The following SCAI variants were observed in gnomAD, a reference collection of about 807,000 sequenced individuals.
The protein encoded by SCAI is protein SCAI.
Under a neutral mutation model 92.2 loss-of-function variants are expected in SCAI, and 24 were observed. The ratio of observed to expected loss-of-function variants is 0.26; its 90% CI spans 0.19 to 0.37. The LOEUF is 0.37. Among genes scored for constraint, SCAI ranks in the 10% least tolerant of loss-of-function variants. The pLI is 1.00. For synonymous variants in SCAI, 261 were observed against 258.6 expected (o/e 1.01, Z -0.09); for missense variants, 450 against 736.2 (o/e 0.61, Z 4.50).
At chr9:125,039,041 T>C (rs1044194236) in intron 3 of SCAI, among the ~76,000 whole-genome samples, 2 of 152,210 alleles carry the variant, frequency 1.3e-5, no homozygotes, top group Non-Finnish European at 2.9e-5. Flanking sequence ...GTATGTATAC[T>C]GTGACAGTGA....
intron 4 of SCAI, among the ~76,000 whole-genome samples, chr9:125,029,358 G>C (rs754188279): frequency 6.6e-6 from 1 of 152,116 alleles, no homozygotes; most frequent in African/African-American, 2.4e-5. Flanking sequence ...CTGAGCTCAA[G>C]CAATCCTCCC....
intron 2 of SCAI, among the ~76,000 whole-genome samples, chr9:125,107,804 C>G (rs143163065): frequency 0.011 from 1,656 of 152,154 alleles, 15 homozygotes; most frequent in South Asian, 0.038. Flanking sequence ...TAAGCTCCCT[C>G]TCCCCTCTCC....
rs1022624830 is a variant in SCAI at position 124,949,202 on chromosome 9, A to T, written c.*3605T>A. ...GGTGAAACCCCATCTCAAAACACAA[A>T]ATTAGCTGGGTGTGGTGGCACATGC... On this transcript the variant is annotated 3_prime_UTR_variant, in exon 18 of 18. Coordinates refer to ENST00000336505, the MANE Select transcript of SCAI (RefSeq NM_001144877.3). The surrounding 1 kb of genome is among the most constrained non-coding windows in gnomAD (Gnocchi z 4.0). The T allele has an allele frequency of 6.6e-6, 1 of 152,054 alleles. No individual in the cohort carries two copies. Among genetic ancestry groups the T allele is most frequent in the African/African-American group, 2.4e-5 (1 of 41,332 alleles). The allele number at this position is 152,054 out of a possible 1,614,324, so 9.4% of individuals were successfully genotyped here. A position where few individuals can be genotyped will look rare whatever the true frequency, so the allele number is the denominator to read the frequency against.
intron 17 of SCAI, among the ~76,000 whole-genome samples, chr9:124,956,859 A>G (rs1831322362): frequency 6.6e-6 from 1 of 152,264 alleles, no homozygotes; most frequent in East Asian, 1.9e-4. Flanking sequence ...ATTGGAAAAA[A>G]AGAAGTAAAG....
chr9:125,053,573 G>T (rs919939962), intron 3 of SCAI, among the ~76,000 whole-genome samples: 1 of 152,108 alleles, frequency 6.6e-6, no homozygotes, highest in African/African-American at 2.4e-5. Flanking sequence ...CATATTGTAT[G>T]ATTCCAATTA....
intron 2 of SCAI, among the ~76,000 whole-genome samples, chr9:125,086,161 A>C (rs527707728): frequency 6.6e-6 from 1 of 152,146 alleles, no homozygotes; most frequent in Non-Finnish European, 1.5e-5. Flanking sequence ...ATTTGTGTAC[A>C]CTCGTCATCC....
chr9:125,088,311 A>G (rs751285478), intron 2 of SCAI, among the ~76,000 whole-genome samples: 4 of 152,076 alleles, frequency 2.6e-5, no homozygotes, highest in Non-Finnish European at 4.4e-5. Context: ...GTAATCCCCA[A>G]TGTTGGAGGA....
intron 2 of SCAI, among the ~76,000 whole-genome samples, chr9:125,110,768 C>T (rs1449828872): frequency 6.6e-6 from 1 of 152,078 alleles, no homozygotes; most frequent in Non-Finnish European, 1.5e-5. Context: ...TACAAATTTA[C>T]CCAGTCTCAG....
intron 3 of SCAI, among the ~76,000 whole-genome samples, chr9:125,050,625 G>A (rs959714806): frequency 2.0e-5 from 3 of 152,164 alleles, no homozygotes; most frequent in East Asian, 1.9e-4. Flanking sequence ...CCAGGCTGGA[G>A]TACAGTGGCA....
intron 17 of SCAI, 93 bp downstream of exon 17, chr9:124,971,274 TTTA>T (rs1320230136): frequency 1.8e-6 from 1 of 568,368 alleles, no homozygotes; most frequent in African/African-American, 2.0e-5. Flanking sequence ...ATAATATTAT[TTTA>T]TTATAACCTT....
At chr9:125,059,631 A>ATT (rs1833735383) in intron 2 of SCAI, among the ~76,000 whole-genome samples, 1 of 152,248 alleles carries the variant, frequency 6.6e-6, no homozygotes, top group Non-Finnish European at 1.5e-5. Context: ...GTTCAAACCC[A>ATT]TAAGTTTCCC....
chr9:125,031,199 G>A lies in SCAI; in HGVS notation c.231-1460C>T, dbSNP rs1245951300. 2.0e-5 allele frequency among the ~76,000 whole-genome samples: 3 copies of A among 152,102 alleles called. No individual in the cohort carries two copies. The East Asian group carries it at 5.8e-4, about 29-fold the overall frequency. On this transcript the variant is annotated intron_variant, in intron 3 of 17. Transcript: ENST00000336505. ...TTTAGGGTATGGCTACAGGTACATG[G>A]AGCTAACTTGAATCAAATTATAAAG...
At chr9:125,082,836 C>T (rs752989775) in intron 2 of SCAI, among the ~76,000 whole-genome samples, 4 of 152,218 alleles carry the variant, frequency 2.6e-5, no homozygotes, top group Non-Finnish European at 2.9e-5. Context: ...CCCCACTGTA[C>T]CTAAGAAGTC....
chr9:125,086,330 C>T (rs918287644), intron 2 of SCAI, among the ~76,000 whole-genome samples: 1 of 152,132 alleles, frequency 6.6e-6, no homozygotes, highest in Non-Finnish European at 1.5e-5. Context: ...CTATGGCTGC[C>T]ACTGTTCCAG....
intron 1 of SCAI, 35 bp downstream of exon 1, chr9:125,143,350 C>A: frequency 7.8e-7 from 1 of 1,280,974 alleles, no homozygotes; most frequent in Non-Finnish European, 1.0e-6. Context: ...GCCCCCACCC[C>A]ATCCCCAACC....
intron 7 of SCAI, among the ~76,000 whole-genome samples, chr9:125,019,647 A>G (rs1020625654): frequency 2.6e-5 from 4 of 152,140 alleles, no homozygotes; most frequent in African/African-American, 9.7e-5. Context: ...AAAAAATTAT[A>G]TATTTCTAAA....
At chr9:125,107,165 C>T (rs1207170542) in intron 2 of SCAI, among the ~76,000 whole-genome samples, 1 of 151,944 alleles carries the variant, frequency 6.6e-6, no homozygotes, top group Non-Finnish European at 1.5e-5. Context: ...AATCCCAGCA[C>T]TTTGGGAGGC....
chr9:125,003,721 C>T (rs1224913289), intron 9 of SCAI, 151 bp from the exon 10 acceptor site: 6 of 595,794 alleles, frequency 1.0e-5, no homozygotes, highest in Non-Finnish European at 1.8e-5. Context: ...AATTTTCAAG[C>T]GATGGAAAGA....
intron 13 of SCAI, among the ~76,000 whole-genome samples, chr9:124,997,134 T>C (rs1473344625): frequency 6.6e-6 from 1 of 152,086 alleles, no homozygotes; most frequent in African/African-American, 2.4e-5. Context: ...GTATTCCTAA[T>C]CTGAAAATCC....
Sources: gnomAD v4.1 joint callset for allele counts (sites outside exome capture counted in the v4.1 genomes callset) on GRCh38, gnomAD v4.1.1 for gene constraint, Gnocchi (gnomAD v3.1) non-coding constraint, MANE v1.5 for transcripts, NCBI Gene and HGNC (gene_info 2026-07-23, HGNC 2026-07-21) for gene names.